SIMC1: variants seen among roughly 807,000 people sequenced by gnomAD.
SIMC1 encodes SUMO-interacting motif-containing protein 1.
Under a neutral mutation model 82.3 loss-of-function variants are expected in SIMC1, and 55 were observed. The observed-to-expected ratio is 0.67, with a 90% confidence interval of 0.54 to 0.84. The LOEUF is 0.84. Among genes scored for constraint, SIMC1 ranks in the 40% least tolerant of loss-of-function variants. SIMC1 has a pLI of 0.00. For synonymous variants in SIMC1, 353 were observed against 426.3 expected (o/e 0.83, Z 2.12); for missense variants, 915 against 1,107.2 (o/e 0.83, Z 2.46).
At chr5:176,308,764 A>C (rs1764535871) in intron 4 of SIMC1, 2 of 1,331,102 alleles carry the variant, frequency 1.5e-6, no homozygotes, top group Non-Finnish European at 2.2e-6. Flanking sequence ...TCAGCAGTAG[A>C]GCTGCCCAAG....
At chr5:176,279,143 A>C (rs1316856783) in intron 1 of SIMC1, among the ~76,000 whole-genome samples, 2 of 152,196 alleles carry the variant, frequency 1.3e-5, no homozygotes, top group African/African-American at 4.8e-5. Context: ...TTATTGGTCT[A>C]TTCAGAGATT....
rs572996824 is a variant in SIMC1 at position 176,261,538 on chromosome 5, G to A, written c.129+22901G>A. Among the ~76,000 whole-genome samples the A allele has an allele frequency of 6.4e-4, 98 of 152,174 alleles. 2 individuals are homozygous for A. The highest frequency in any genetic ancestry group is 9.2e-4 in the Admixed American group (14 of 15,282). The stretch of plus-strand genomic sequence containing the variant: ...GAGGCAGGTGGATCACTTGAGGCTG[G>A]GAGTTTGAGACCAGCCTGGCCAACA... On this transcript the variant is annotated intron_variant, in intron 1 of 9. Coordinates refer to ENST00000429602, the MANE Select transcript of SIMC1 (RefSeq NM_001308195.2).
Position 176,241,112 on chromosome 5 carries a change from G to A in SIMC1, c.129+2475G>A, listed in dbSNP as rs1454960127. On this transcript the variant is annotated intron_variant, in intron 1 of 9. Transcript: ENST00000429602. ...CTCTTGATTCTTAACCTGGGCTTTA[G>A]TCTTCACTGAGTCGATGAGGTGTGT... Among the ~76,000 whole-genome samples, 3 of 68,218 alleles carry A rather than the reference G, an allele frequency of 4.4e-5. 1 individual carries two copies. The highest frequency in any genetic ancestry group is 9.1e-5 in the Non-Finnish European group (3 of 32,860). The allele number at this position is 68,218 out of a possible 152,430, so 44.8% of individuals were successfully genotyped here.
intron 1 of SIMC1, among the ~76,000 whole-genome samples, chr5:176,279,382 T>A (rs1331363166): frequency 6.6e-6 from 1 of 152,184 alleles, no homozygotes; most frequent in Non-Finnish European, 1.5e-5. Context: ...TTATTAGTCT[T>A]GCTAGCGGTC....
chr5:176,252,283 C>G (rs376189719), intron 1 of SIMC1, among the ~76,000 whole-genome samples: 5 of 151,904 alleles, frequency 3.3e-5, no homozygotes, highest in East Asian at 1.9e-4. Flanking sequence ...CACCTCCGTC[C>G]CGGACGTGGT....
chr5:176,292,789 C>A (rs1197795818), intron 2 of SIMC1, among the ~76,000 whole-genome samples: 1 of 152,192 alleles, frequency 6.6e-6, no homozygotes. Context: ...GATCCGCCCA[C>A]CTCGGCCTCC....
chr5:176,309,187 T>C (rs948209818), intron 4 of SIMC1, among the ~76,000 whole-genome samples: 1 of 152,184 alleles, frequency 6.6e-6, no homozygotes, highest in Non-Finnish European at 1.5e-5. Flanking sequence ...CATAGATCAA[T>C]GGAACAGATG....
intron 5 of SIMC1, among the ~76,000 whole-genome samples, chr5:176,320,123 G>A (rs1020291382): frequency 2.6e-5 from 4 of 152,136 alleles, no homozygotes; most frequent in South Asian, 4.1e-4. Context: ...TGGAAGACAC[G>A]TGTGAGAAGA....
chr5:176,248,548 GCAAA>G (rs1440857461), intron 1 of SIMC1, among the ~76,000 whole-genome samples: 1 of 152,080 alleles, frequency 6.6e-6, no homozygotes, highest in Non-Finnish European at 1.5e-5. Flanking sequence ...CATGTCATCT[GCAAA>G]CAGAGATAGT....
chr5:176,294,340 C>T (rs1380070658), intron 2 of SIMC1, among the ~76,000 whole-genome samples: 1 of 152,088 alleles, frequency 6.6e-6, no homozygotes, highest in Non-Finnish European at 1.5e-5. Flanking sequence ...AGTGCAGTGG[C>T]GCCATCTTGG....
At chr5:176,304,321 C>CG (rs1764179810) in intron 4 of SIMC1, 1 of 156,276 alleles carries the variant, frequency 6.4e-6, no homozygotes, top group Non-Finnish European at 1.4e-5. Context: ...CCTCAGCCTG[C>CG]CGAGTGCCTG....
chr5:176,283,500 GC>G (rs1205863477), intron 1 of SIMC1, among the ~76,000 whole-genome samples: 1 of 152,190 alleles, frequency 6.6e-6, no homozygotes, highest in Non-Finnish European at 1.5e-5. Flanking sequence ...CACCAGGCCT[GC>G]CCTACAAGAG....
At chr5:176,338,521 G>T (rs955550838) in intron 9 of SIMC1, among the ~76,000 whole-genome samples, 5 of 152,090 alleles carry the variant, frequency 3.3e-5, no homozygotes, top group African/African-American at 1.2e-4. Context: ...TAACATTATT[G>T]TGTCCATATT....
At chr5:176,327,621 G>A (rs1765452544) in intron 7 of SIMC1, among the ~76,000 whole-genome samples, 2 of 152,092 alleles carry the variant, frequency 1.3e-5, no homozygotes, top group African/African-American at 4.8e-5. Flanking sequence ...GAATCTCCAG[G>A]AAAATGTTGG....
Position 176,295,063 on chromosome 5 carries a change from C to T in SIMC1, c.1465C>T (p.Arg489Ter), listed in dbSNP as rs1405027853. 9 of 1,612,736 alleles carry T rather than the reference C, an allele frequency of 5.6e-6. No homozygotes were observed. Among genetic ancestry groups the T allele is most frequent in the South Asian group, 1.1e-5 (1 of 91,042 alleles). The change falls in exon 3 of 10, where the codon CGA becomes TGA. Residue 489 changes from arginine to a stop codon, truncating the protein, a stop_gained. Coordinates refer to ENST00000429602, the MANE Select transcript of SIMC1 (RefSeq NM_001308195.2). LOFTEE classifies it high-confidence loss of function. ...KGQKLEPIPH[R>*]RLRMVTNTIE... ...TCAAAAATTAGAACCCATCCCTCAT[C>T]GAAGACTAAGAATGGTAACAAATAC...
intron 1 of SIMC1, among the ~76,000 whole-genome samples, chr5:176,288,450 T>TA (rs1338007986): frequency 6.7e-6 from 1 of 148,432 alleles, no homozygotes; most frequent in East Asian, 2.0e-4. Context: ...AATAAATAAA[T>TA]AAATAAATGG....
At chr5:176,243,595 C>T (rs1228841570) in intron 1 of SIMC1, among the ~76,000 whole-genome samples, 1 of 151,484 alleles carries the variant, frequency 6.6e-6, no homozygotes, top group African/African-American at 2.4e-5. Flanking sequence ...GATCTCGGCT[C>T]ACTGCAACCC....
chr5:176,270,156 G>T (rs1762363682), intron 1 of SIMC1: 2 of 151,596 alleles, frequency 1.3e-5, no homozygotes, highest in South Asian at 4.2e-4. Context: ...TCCCAGGATT[G>T]CAAGGTTAAT....
intron 7 of SIMC1, among the ~76,000 whole-genome samples, chr5:176,333,130 C>T (rs1765738377): frequency 1.3e-5 from 2 of 151,966 alleles, no homozygotes; most frequent in South Asian, 4.2e-4. Context: ...ACGGTGAAAC[C>T]CCGTCTCTAC....
Sources: gnomAD v4.1 joint callset for allele counts (sites outside exome capture counted in the v4.1 genomes callset) on GRCh38, gnomAD v4.1.1 for gene constraint, MANE v1.5 for transcripts, NCBI Gene and HGNC (gene_info 2026-07-23, HGNC 2026-07-21) for gene names.